The following OSGIN1 variants were observed in gnomAD, a reference collection of about 807,000 sequenced individuals.
The protein encoded by OSGIN1 is oxidative stress-induced growth inhibitor 1.
A neutral mutation model predicts 20.1 loss-of-function variants in OSGIN1; 19 were observed. That is an observed-to-expected ratio of 0.95 (90% CI 0.66 to 1.39). The LOEUF is 1.39. OSGIN1 is among the 40% of genes most tolerant of loss of function. The probability of loss-of-function intolerance (pLI) is 0.00; values close to 1 mark genes in which losing one functional copy is unlikely to be tolerated. For synonymous variants in OSGIN1, 368 were observed against 297.8 expected, an observed-to-expected ratio of 1.24 and a Z score of -2.43; for missense variants, 820 against 653.0, an observed-to-expected ratio of 1.26 and a Z score of -2.79.
At position 83,965,155 on chromosome 16, in the gene OSGIN1, C is replaced by T. The variant is rs757004760; in HGVS notation, c.582C>T (p.Ser194=). ...VKKGLGHNFV[S]GAVVTAVEWG... is the part of the protein sequence containing the mutation. ...AGGGTCTGGGGCATAACTTTGTGTC[C>T]GGTGCTGTAGTCACAGCCGTGGAGT... The change falls in exon 6 of 6, where the codon TCC becomes TCT. Residue 194 remains serine (S), a synonymous_variant. Coordinates refer to ENST00000393306, the MANE Select transcript of OSGIN1 (RefSeq NM_182981.3). The T allele has an allele frequency of 8.1e-6, 13 of 1,613,432 alleles. No homozygotes were observed. Among genetic ancestry groups the T allele is most frequent in the South Asian group, 7.7e-5 (7 of 91,088 alleles).
Position 83,965,921 on chromosome 16 carries a change from G to A in OSGIN1, c.1348G>A (p.Gly450Arg), listed in dbSNP as rs778072600. The A allele has an allele frequency of 2.7e-5, 43 of 1,612,498 alleles. No homozygotes were observed. Among genetic ancestry groups the A allele is most frequent in the East Asian group, 6.7e-5 (3 of 44,854 alleles). Residue 450 changes from glycine (G) to arginine (R), a missense_variant, in exon 6 of 6, where the codon GGG becomes AGG. Coordinates refer to ENST00000393306, the MANE Select transcript of OSGIN1 (RefSeq NM_182981.3). ...CCTGTACGCCATGGGGCCGCTGGCC[G>A]GGGACAACTTCGTGAGGTTTGTGCA... ...EGLYAMGPLA[G>R]DNFVRFVQGG...
In OSGIN1 at chr16:83,966,058, ACATCCCTG is replaced by A. The variant is rs1265227524; in HGVS notation, c.*53_*60del. 1 of 1,356,834 alleles carries A rather than the reference ACATCCCTG, an allele frequency of 7.4e-7. No homozygotes were observed. Among genetic ancestry groups the A allele is most frequent in the African/African-American group, 1.5e-5 (1 of 68,468 alleles). 84.0% of individuals were successfully genotyped at this position (1,356,834 alleles called of 1,614,324 possible). On this transcript the variant is annotated 3_prime_UTR_variant, in exon 6 of 6. Coordinates refer to ENST00000393306, the MANE Select transcript of OSGIN1 (RefSeq NM_182981.3). The stretch of plus-strand genomic sequence containing the variant: ...AGGCCCTGAGAGGACAGAGATGACC[ACATCCCTG>A]CTGGATGCAGGACCCGTCCAAAGAT...
chr16:83,953,289 G>C lies in OSGIN1; in HGVS notation c.-114G>C. 1 of 1,288,344 alleles carries C rather than the reference G, an allele frequency of 7.8e-7. No individual in the cohort carries two copies. Among genetic ancestry groups the C allele is most frequent in the Non-Finnish European group, 1.0e-6 (1 of 988,084 alleles). The allele number at this position is 1,288,344 out of a possible 1,614,324, so 79.8% of individuals were successfully genotyped here. On this transcript the variant is annotated 5_prime_UTR_variant, in exon 1 of 6. Transcript: ENST00000393306. ...TAATGGGTGTCCCGATCTCGCGGGG[G>C]ACTCTGTGATCCGTGTTCCCCTGAC...
chr16:83,965,886 G>C lies in OSGIN1; in HGVS notation c.1313G>C (p.Arg438Pro). Residue 438 changes from arginine to proline, a missense_variant, in exon 6 of 6, where the codon CGC becomes CCC. Physicochemically the swap from Arg to Pro is moderately radical, Grantham distance 103. Transcript: ENST00000393306. Reference sequence around the variant, plus strand: ...GACCCCTTCACCTACCAGAGCACCCGCCAGGAGGGCCTGTACGCCATGGGG... The same window carrying C: ...GACCCCTTCACCTACCAGAGCACCCCCCAGGAGGGCCTGTACGCCATGGGG... ...DVDPFTYQST[R>P]QEGLYAMGPL... 1 of 1,612,856 alleles carries C rather than the reference G, an allele frequency of 6.2e-7. No homozygotes were observed. The highest frequency in any genetic ancestry group is 1.1e-5 in the South Asian group (1 of 91,090).
At chr16:83,959,042 A>G (rs1391633337) in intron 2 of OSGIN1, among the ~76,000 whole-genome samples, 2 of 152,176 alleles carry the variant, frequency 1.3e-5, no homozygotes, top group East Asian at 1.9e-4. Flanking sequence ...TCTCAGTACA[A>G]TTCCTGGCAC....
intron 1 of OSGIN1, 94 bp downstream of exon 1, chr16:83,953,464 TG>T: frequency 8.6e-7 from 1 of 1,160,774 alleles, no homozygotes; most frequent in Admixed American, 2.5e-5. Flanking sequence ...TGCAGAGCCC[TG>T]GCGCCAGGCG....
At position 83,965,527 on chromosome 16, in the gene OSGIN1, C is replaced by T. The variant is rs540716508; in HGVS notation, c.954C>T (p.Ala318=). Residue 318 remains alanine (A), a synonymous_variant, in exon 6 of 6, where the codon GCC becomes GCT. Transcript: ENST00000393306. ...CGGTGATCCATGCCTTCCGCCGGGC[C>T]GTGGACGACCCTGGCCTGGTGTTCA... ...NIPVIHAFRR[A]VDDPGLVFNQ... is the part of the protein sequence containing the mutation. 1.7e-4 allele frequency: 276 copies of T among 1,612,604 alleles called. 2 individuals are homozygous for T. The South Asian group carries it at 2.5e-3, about 15-fold the overall frequency.
intron 1 of OSGIN1, among the ~76,000 whole-genome samples, chr16:83,955,640 C>A (rs891170499): frequency 6.6e-6 from 1 of 152,208 alleles, no homozygotes; most frequent in African/African-American, 2.4e-5. Context: ...TGCCTGGCAC[C>A]CAGCCCACTC....
chr16:83,961,281 A>G, intron 5 of OSGIN1: 1 of 552,940 alleles, frequency 1.8e-6, no homozygotes, highest in Non-Finnish European at 3.2e-6. Flanking sequence ...TGAGACATCA[A>G]TCAATATTTG....
Position 83,966,253 on chromosome 16 carries a change from CCAG to C in OSGIN1, c.*248_*250del, listed in dbSNP as rs2084279034. Reference sequence around the variant, plus strand: ...TTTGTGGGGAAAGCTGCTGGTGTGACCAGCTGAGCACCCAGCCAGGAGACCTGC... The same window carrying C: ...TTTGTGGGGAAAGCTGCTGGTGTGACCTGAGCACCCAGCCAGGAGACCTGC... On this transcript the variant is annotated 3_prime_UTR_variant, in exon 6 of 6. Transcript: ENST00000393306. 1.1e-5 allele frequency: 6 copies of C among 536,662 alleles called. No individual in the cohort carries two copies. Among genetic ancestry groups the C allele is most frequent in the African/African-American group, 9.5e-5 (5 of 52,872 alleles). 33.2% of individuals were successfully genotyped at this position (536,662 alleles called of 1,614,324 possible).
In OSGIN1 at chr16:83,966,180, C is replaced by T; in HGVS notation, c.*173C>T. ...GGCTGCCCTGGACTTAGACCAGTGT[C>T]TGAGGTGGTAACAGCGGCCGCAGGC... On this transcript the variant is annotated 3_prime_UTR_variant, in exon 6 of 6. Coordinates refer to ENST00000393306, the MANE Select transcript of OSGIN1 (RefSeq NM_182981.3). The T allele has an allele frequency of 3.3e-6, 2 of 605,290 alleles. No homozygotes were observed. The highest frequency in any genetic ancestry group is 2.8e-6 in the Non-Finnish European group (1 of 352,062). The allele number at this position is 605,290 out of a possible 1,614,324, so 37.5% of individuals were successfully genotyped here.
At chr16:83,963,767 GAGCCCACA>G (rs112503098) in intron 5 of OSGIN1, among the ~76,000 whole-genome samples, 60 of 152,276 alleles carry the variant, frequency 3.9e-4, no homozygotes, top group African/African-American at 1.3e-3. Flanking sequence ...CTTGAACCAT[GAGCCCACA>G]AGCTGGGTAG....
chr16:83,965,172 C>T lies in OSGIN1; in HGVS notation c.599C>T (p.Ala200Val). The T allele has an allele frequency of 6.2e-7, 1 of 1,613,390 alleles. No homozygotes were observed. Among genetic ancestry groups the T allele is most frequent in the Non-Finnish European group, 8.5e-7 (1 of 1,179,992 alleles). Residue 200 changes from alanine to valine, a missense_variant, in exon 6 of 6, where the codon GCC (alanine) becomes GTC (valine). Ala to Val is a moderately conservative substitution (Grantham distance 64, BLOSUM62 0). Coordinates refer to ENST00000393306, the MANE Select transcript of OSGIN1 (RefSeq NM_182981.3). ...HNFVSGAVVT[A>V]VEWGTPDPSS... ...TTTGTGTCCGGTGCTGTAGTCACAG[C>T]CGTGGAGTGGGGGACCCCCGATCCC...
chr16:83,957,899 CAA>C (rs996518814), intron 2 of OSGIN1, among the ~76,000 whole-genome samples, 161 bp downstream of exon 2: 5 of 139,496 alleles, frequency 3.6e-5, no homozygotes, highest in African/African-American at 1.5e-4. Flanking sequence ...TTATTTGAGA[CAA>C]AGTCTCACTC....
Position 83,965,102 on chromosome 16 carries a change from C to A in OSGIN1, c.529C>A (p.His177Asn), listed in dbSNP as rs2084260047. 1.2e-6 allele frequency: 2 copies of A among 1,609,312 alleles called. No individual in the cohort carries two copies. Among genetic ancestry groups the A allele is most frequent in the Non-Finnish European group, 1.7e-6 (2 of 1,177,040 alleles). Residue 177 changes from histidine (H) to asparagine (N), a missense_variant, in exon 6 of 6, where the codon CAC (histidine) becomes AAC (asparagine). By Grantham distance (68) the His-to-Asn change is moderately conservative. Coordinates refer to ENST00000393306, the MANE Select transcript of OSGIN1 (RefSeq NM_182981.3). Reference sequence around the variant, plus strand: ...CCGGGCCACTGCCGGGGACATCGCCCACTACTACAGGGACTACGTGGTCAA... The same window carrying A: ...CCGGGCCACTGCCGGGGACATCGCCAACTACTACAGGGACTACGTGGTCAA... The part of the protein sequence containing the change: ...NSRATAGDIA[H>N]YYRDYVVKKG...
chr16:83,955,089 G>A (rs190786940), intron 1 of OSGIN1, among the ~76,000 whole-genome samples: 8 of 152,324 alleles, frequency 5.3e-5, no homozygotes, highest in South Asian at 2.1e-4. Context: ...GTTGCTAGGA[G>A]GATCAAAGGA....
At position 83,965,375 on chromosome 16, in the gene OSGIN1, G is replaced by A. The variant is rs1164509014; in HGVS notation, c.802G>A (p.Glu268Lys). Residue 268 changes from glutamate (E) to lysine (K), a missense_variant, in exon 6 of 6, where the codon GAG becomes AAG. Glu to Lys is a moderately conservative substitution (Grantham distance 56, BLOSUM62 1). Transcript: ENST00000393306. ...PGEALPFIHHELSALEAATRV... is the reference protein window; with the variant it reads ...PGEALPFIHHKLSALEAATRV... ...GGAGGCCCTGCCCTTCATCCACCAT[G>A]AGCTGTCTGCCCTGGAGGCCGCCAC... 1.3e-6 allele frequency: 2 copies of A among 1,573,730 alleles called. No individual in the cohort carries two copies. Among genetic ancestry groups the A allele is most frequent in the East Asian group, 2.2e-5 (1 of 44,560 alleles).
At chr16:83,959,438 G>A (rs140930606) in intron 3 of OSGIN1, 42 bp downstream of exon 3, 173 of 1,538,834 alleles carry the variant, frequency 1.1e-4, no homozygotes, top group African/African-American at 5.1e-4. Context: ...GTACATACCC[G>A]CCCTTGGAAA....
In OSGIN1 at chr16:83,964,310, T is replaced by TAA. The variant is rs561845625; in HGVS notation, c.489-752_489-751insAA. 8.4e-3 allele frequency among the ~76,000 whole-genome samples: 1,266 copies of TAA among 151,360 alleles called. 21 individuals are homozygous for TAA. Among genetic ancestry groups the TAA allele is most frequent in the South Asian group, 0.049 (236 of 4,784 alleles). On this transcript the variant is annotated intron_variant, in intron 5 of 5. Transcript: ENST00000393306. ...CAGAGTGAGACTCTGTCTCAAAAAA[T>TAA]TAAAATAAAATAAAATAAAATAAAA... is the stretch of plus-strand genomic sequence containing the variant.
Sources: allele counts gnomAD v4.1 joint callset (sites outside exome capture counted in the v4.1 genomes callset), GRCh38; gene constraint gnomAD v4.1.1; transcripts MANE v1.5; gene names NCBI Gene and HGNC (gene_info 2026-07-23, HGNC 2026-07-21).